Variants in MOK observed in about 807,000 individuals in gnomAD.
MOK encodes MAPK/MAK/MRK overlapping kinase.
A neutral mutation model predicts 54.2 loss-of-function variants in MOK; 59 were observed. The observed-to-expected ratio is 1.09, with a 90% CI of 0.88 to 1.35. The LOEUF (loss-of-function observed/expected upper bound fraction) is 1.35, where lower values mean the gene tolerates loss of function less well. MOK is among the 40% of genes most tolerant of loss of function. The pLI is 0.00. For missense variants in MOK, 517 were observed against 526.2 expected, an observed-to-expected ratio of 0.98 and a Z score of 0.17; for synonymous variants, 210 against 202.7, an observed-to-expected ratio of 1.04 and a Z score of -0.31.
rs1170088811 is a variant in MOK at position 102,238,999 on chromosome 14, T to C, written c.591-5210A>G. ...TTCTCACTCTTATAGACATCTTCTC[T>C]GGGTGGGTGGAGGCATTTCCTACCT... On this transcript the variant is annotated intron_variant, in intron 7 of 11. Coordinates refer to ENST00000361847, the MANE Select transcript of MOK (RefSeq NM_014226.3). The surrounding 1 kb of genome is among the most constrained non-coding windows in gnomAD (Gnocchi z 4.8). Among the ~76,000 whole-genome samples, 2 of 152,160 alleles carry C rather than the reference T, an allele frequency of 1.3e-5. No homozygotes were observed. The highest frequency in any genetic ancestry group is 2.4e-5 in the African/African-American group (1 of 41,412).
At chr14:102,292,514 T>C (rs2083580598) in intron 1 of MOK, among the ~76,000 whole-genome samples, 1 of 151,860 alleles carries the variant, frequency 6.6e-6, no homozygotes, top group Non-Finnish European at 1.5e-5. Context: ...AAACAACTAA[T>C]TATGGAGTAC....
chr14:102,302,179 T>C (rs1174431273), intron 1 of MOK, among the ~76,000 whole-genome samples: 1 of 151,696 alleles, frequency 6.6e-6, no homozygotes, highest in Non-Finnish European at 1.5e-5. Flanking sequence ...TTCAAGCGAT[T>C]CCCCTGCCTC....
At chr14:102,254,840 G>A (rs771551552) in intron 4 of MOK, among the ~76,000 whole-genome samples, 119 of 152,108 alleles carry the variant, frequency 7.8e-4, no homozygotes, top group Non-Finnish European at 1.1e-3. Context: ...TTCTCTGGTT[G>A]CTCCCAAAGC....
chr14:102,285,464 A>G (rs2069941333), intron 1 of MOK, among the ~76,000 whole-genome samples: 1 of 152,240 alleles, frequency 6.6e-6, no homozygotes, highest in South Asian at 2.1e-4. Flanking sequence ...CTGAATTCTG[A>G]TTTGAACAAA....
chr14:102,297,128 T>C (rs1388073342), intron 1 of MOK, among the ~76,000 whole-genome samples: 2 of 151,442 alleles, frequency 1.3e-5, no homozygotes, highest in African/African-American at 2.4e-5. Context: ...GAGGCCAAGG[T>C]GGGCAGATCA....
At position 102,231,910 on chromosome 14, in the gene MOK, CTG is replaced by C. The variant is rs1185116107; in HGVS notation, c.867-91_867-90del. ...GGCTTCTTTGTCTCCAATTTGTCTA[CTG>C]TGTGAGTTGTCACTAGCTCTTCTTT... On this transcript the variant is annotated intron_variant, in intron 9 of 11. Transcript: ENST00000361847. The surrounding 1 kb of genome is among the most constrained non-coding windows in gnomAD (Gnocchi z 4.4). The C allele has an allele frequency of 9.3e-7, 1 of 1,079,662 alleles. No individual in the cohort carries two copies. Among genetic ancestry groups the C allele is most frequent in the Non-Finnish European group, 1.4e-6 (1 of 729,544 alleles). The allele number at this position is 1,079,662 out of a possible 1,614,324, so 66.9% of individuals were successfully genotyped here. A position where few individuals can be genotyped will look rare whatever the true frequency, so the allele number is the denominator to read the frequency against.
At chr14:102,214,875 T>G in the MOK span, 3 of 616,576 alleles carry the variant, frequency 4.9e-6, no homozygotes, top group Non-Finnish European at 6.0e-6. Flanking sequence ...CACTGCTTTG[T>G]TTTTTTTTTT....
At chr14:102,265,021 G>A (rs1393292139) in intron 3 of MOK, among the ~76,000 whole-genome samples, 1 of 152,222 alleles carries the variant, frequency 6.6e-6, no homozygotes, top group East Asian at 1.9e-4. Flanking sequence ...CGAGGGACAA[G>A]CTGTGCTCTG....
At chr14:102,295,140 G>A (rs779887902) in intron 1 of MOK, among the ~76,000 whole-genome samples, 1 of 152,170 alleles carries the variant, frequency 6.6e-6, no homozygotes, top group Non-Finnish European at 1.5e-5. Context: ...GAAGGGAACA[G>A]AGCTATGATA....
downstream of MOK, among the ~76,000 whole-genome samples, chr14:102,227,558 C>T (rs1443248112): frequency 1.3e-5 from 2 of 152,218 alleles, no homozygotes; most frequent in Admixed American, 1.3e-4. Context: ...CTGCACTGCA[C>T]CCTGCTCTGG....
At chr14:102,287,407 G>C (rs1456548861) in intron 1 of MOK, among the ~76,000 whole-genome samples, 1 of 152,162 alleles carries the variant, frequency 6.6e-6, no homozygotes, top group African/African-American at 2.4e-5. Flanking sequence ...TTCAAGACCA[G>C]GCCAGCCTGA....
chr14:102,289,117 C>A (rs1211114870), intron 1 of MOK, among the ~76,000 whole-genome samples: 1 of 152,110 alleles, frequency 6.6e-6, no homozygotes, highest in East Asian at 1.9e-4. Flanking sequence ...GTTGCCCAGG[C>A]TGGTCTCAAA....
Position 102,236,386 on chromosome 14 carries a change from T to G in MOK, c.591-2597A>C, listed in dbSNP as rs746597505. On this transcript the variant is annotated intron_variant, in intron 7 of 11. Coordinates refer to ENST00000361847, the MANE Select transcript of MOK (RefSeq NM_014226.3). The surrounding 1 kb of genome is among the most constrained non-coding windows in gnomAD (Gnocchi z 4.5). ...CCACTCATCCCTCTCAGGTCTCAGT[T>G]GTGGGGGCTGATGGACTCATCTTGC... Among the ~76,000 whole-genome samples, 2 of 152,188 alleles carry G rather than the reference T, an allele frequency of 1.3e-5. No homozygotes were observed. The highest frequency in any genetic ancestry group is 2.4e-5 in the African/African-American group (1 of 41,442).
At chr14:102,301,391 T>C in intron 1 of MOK, among the ~76,000 whole-genome samples, 1 of 152,182 alleles carries the variant, frequency 6.6e-6, no homozygotes, top group East Asian at 1.9e-4. Flanking sequence ...CTCTCTACTG[T>C]TGCAAACGAT....
At chr14:102,261,108 A>G (rs1048293176) in intron 4 of MOK, among the ~76,000 whole-genome samples, 3 of 151,560 alleles carry the variant, frequency 2.0e-5, no homozygotes, top group Non-Finnish European at 4.4e-5. Flanking sequence ...ATACAAAAAA[A>G]TAGCTGGGCG....
Position 102,251,932 on chromosome 14 carries a change from AG to A in MOK, c.346del (p.Leu116TrpfsTer14), listed in dbSNP as rs1794741304. On this transcript the variant is annotated frameshift_variant, in exon 5 of 12. Coordinates refer to ENST00000361847, the MANE Select transcript of MOK (RefSeq NM_014226.3). LOFTEE classifies it high-confidence loss of function. The part of the protein sequence containing the change: ...MHYMYQLCKS[L>X]DHIHRNGIFH... Reference sequence around the variant, plus strand: ...GAGAGCATACCTGTGAATATGATCCAGGGACTTACATAACTGGTACATATAG... The same window carrying A: ...GAGAGCATACCTGTGAATATGATCCAGGACTTACATAACTGGTACATATAG... 1 of 1,604,436 alleles carries A rather than the reference AG, an allele frequency of 6.2e-7. No homozygotes were observed. The highest frequency in any genetic ancestry group is 8.5e-7 in the Non-Finnish European group (1 of 1,172,024).
chr14:102,222,860 T>C (rs2064078860), downstream of MOK: 1 of 1,614,046 alleles, frequency 6.2e-7, no homozygotes, highest in African/African-American at 1.3e-5. The surrounding 1 kb of genome is among the most constrained non-coding windows in gnomAD (Gnocchi z 4.4). Flanking sequence ...CCAGGCCAGT[T>C]CTCCAGGTGG....
chr14:102,232,277 C>A lies in MOK; in HGVS notation c.866+258G>T. ...TTCTAGAAGGATTACTACCTGTAGC[C>A]TTGGCATCAACCGCAAAGTGGACAG... On this transcript the variant is annotated intron_variant, in intron 9 of 11. Coordinates refer to ENST00000361847, the MANE Select transcript of MOK (RefSeq NM_014226.3). This position sits in a 1 kb window ranked among gnomAD's most constrained non-coding sequence, Gnocchi z 5.1. The A allele has an allele frequency of 2.3e-6, 1 of 441,450 alleles. No individual in the cohort carries two copies. Among genetic ancestry groups the A allele is most frequent in the Non-Finnish European group, 4.0e-6 (1 of 251,080 alleles). The allele number at this position is 441,450 out of a possible 1,614,324, so 27.3% of individuals were successfully genotyped here.
chr14:102,254,921 T>TA (rs2066813905), intron 4 of MOK, among the ~76,000 whole-genome samples: 2 of 152,238 alleles, frequency 1.3e-5, no homozygotes, highest in African/African-American at 4.8e-5. Context: ...TCCACACATT[T>TA]AAATCTTACT....
Sources: gnomAD v4.1 joint callset for allele counts (sites outside exome capture counted in the v4.1 genomes callset) on GRCh38, gnomAD v4.1.1 for gene constraint, Gnocchi (gnomAD v3.1) non-coding constraint, MANE v1.5 for transcripts, NCBI Gene and HGNC (gene_info 2026-07-23, HGNC 2026-07-21) for gene names.